Variants in DOCK4 observed in about 807,000 individuals in gnomAD.
DOCK4 encodes dedicator of cytokinesis protein 4.
In DOCK4, 97 loss-of-function variants were observed where a neutral mutation model predicts 268.1. That is an observed-to-expected ratio of 0.36 (90% CI 0.31 to 0.43). DOCK4 has a LOEUF of 0.43. Among genes scored for constraint, DOCK4 ranks in the 20% least tolerant of loss-of-function variants. DOCK4 has a pLI of 1.00. For missense variants in DOCK4, 2,145 were observed against 2,455.7 expected, an observed-to-expected ratio of 0.87 and a Z score of 2.67; for synonymous variants, 954 against 887.2, an observed-to-expected ratio of 1.08 and a Z score of -1.34.
chr7:112,130,743 T>G (rs117917820), intron 1 of DOCK4, among the ~76,000 whole-genome samples: 1 of 152,158 alleles, frequency 6.6e-6, no homozygotes, highest in Non-Finnish European at 1.5e-5. Flanking sequence ...AAAAATAAAA[T>G]GTACAGAGGC....
chr7:112,049,756 A>T (rs1805179970), intron 1 of DOCK4, among the ~76,000 whole-genome samples: 1 of 152,218 alleles, frequency 6.6e-6, no homozygotes, highest in African/African-American at 2.4e-5. Flanking sequence ...AGATAGTAGC[A>T]CAAAGATTAT....
chr7:112,094,775 G>C (rs1405924473), intron 1 of DOCK4, among the ~76,000 whole-genome samples: 1 of 152,110 alleles, frequency 6.6e-6, no homozygotes, highest in African/African-American at 2.4e-5. Context: ...ATGGGTCATG[G>C]GGATGGATCC....
intron 1 of DOCK4, among the ~76,000 whole-genome samples, chr7:112,135,023 CA>C (rs991760203): frequency 1.9e-4 from 28 of 150,506 alleles, no homozygotes; most frequent in Non-Finnish European, 2.7e-4. Context: ...ATGTATACAC[CA>C]AAAAAAACCC....
chr7:111,778,189 C>A, intron 36 of DOCK4, 87 bp downstream of exon 36: 2 of 881,904 alleles, frequency 2.3e-6, no homozygotes, highest in Non-Finnish European at 3.6e-6. Context: ...ATGCTTGAGT[C>A]TTTCCACTCT....
At chr7:112,118,377 T>C (rs900844779) in intron 1 of DOCK4, among the ~76,000 whole-genome samples, 1 of 152,124 alleles carries the variant, frequency 6.6e-6, no homozygotes, top group African/African-American at 2.4e-5. Flanking sequence ...TGAAAATCAT[T>C]CAAAAGAGAC....
intron 1 of DOCK4, among the ~76,000 whole-genome samples, chr7:112,032,936 A>T (rs1029341697): frequency 2.0e-5 from 3 of 152,218 alleles, no homozygotes; most frequent in Non-Finnish European, 4.4e-5. Context: ...TAAAGGGGAA[A>T]AGAGGCATTA....
Position 112,039,102 on chromosome 7 carries a change from A to G in DOCK4, c.38-34971T>C, listed in dbSNP as rs1439853362. The stretch of plus-strand genomic sequence containing the variant: ...CCAAGAGTGTTAACATTCTCTTACC[A>G]TGATATATTATATTGTTTCCGGCTC... On this transcript the variant is annotated intron_variant, in intron 1 of 52. Transcript: ENST00000428084. Among the ~76,000 whole-genome samples the G allele has an allele frequency of 2.6e-5, 4 of 152,172 alleles. 1 individual carries two copies. The highest frequency in any genetic ancestry group is 4.1e-4 in the South Asian group (2 of 4,830).
chr7:112,019,506 G>T (rs1802134974), intron 1 of DOCK4, among the ~76,000 whole-genome samples: 1 of 151,974 alleles, frequency 6.6e-6, no homozygotes, highest in Admixed American at 6.6e-5. Flanking sequence ...ATGAATTCTG[G>T]AAGTTAAAAA....
intron 1 of DOCK4, among the ~76,000 whole-genome samples, chr7:112,024,792 A>T (rs1251753662): frequency 6.6e-6 from 1 of 152,214 alleles, no homozygotes; most frequent in Non-Finnish European, 1.5e-5. Context: ...ATACTGACAG[A>T]CATTCGTTAT....
intron 23 of DOCK4, among the ~76,000 whole-genome samples, chr7:111,850,622 T>C (rs1199430280): frequency 6.6e-6 from 1 of 152,140 alleles, no homozygotes; most frequent in Non-Finnish European, 1.5e-5. Flanking sequence ...CTGATGACAT[T>C]CCACCACTGT....
At chr7:111,730,635 T>TAAA (rs113207446) in intron 52 of DOCK4, among the ~76,000 whole-genome samples, 5 of 147,464 alleles carry the variant, frequency 3.4e-5, no homozygotes, top group African/African-American at 7.4e-5. Flanking sequence ...CTGGCTGGGG[T>TAAA]AAAAAAAAAA....
intron 30 of DOCK4, among the ~76,000 whole-genome samples, chr7:111,793,423 G>A (rs1205178209): frequency 6.6e-6 from 1 of 152,188 alleles, no homozygotes; most frequent in Non-Finnish European, 1.5e-5. Flanking sequence ...CACAAAGAGA[G>A]ACAAAGCAGT....
chr7:112,170,210 G>A (rs1024825088), intron 1 of DOCK4, among the ~76,000 whole-genome samples: 47 of 152,062 alleles, frequency 3.1e-4, no homozygotes, highest in African/African-American at 1.1e-3. Context: ...CAGCGCTTTG[G>A]GAGGCTAAGA....
intron 32 of DOCK4, among the ~76,000 whole-genome samples, chr7:111,785,260 C>T (rs1427094717): frequency 6.6e-6 from 1 of 152,132 alleles, no homozygotes; most frequent in Non-Finnish European, 1.5e-5. Context: ...AATGTGTTTT[C>T]TTTTAAAAAC....
chr7:112,131,109 G>A lies in DOCK4; in HGVS notation c.37+74993C>T, dbSNP rs561112824. ...AATATGTCTTAAAACTAACAAATGT[G>A]ATCCTGCTTCTTGTAGTTTTTGAGG... On this transcript the variant is annotated intron_variant, in intron 1 of 52. Coordinates refer to ENST00000428084, the MANE Select transcript of DOCK4 (RefSeq NM_001363540.2). Among the ~76,000 whole-genome samples the A allele has an allele frequency of 2.6e-5, 4 of 152,268 alleles. No homozygotes were observed. In the South Asian group the frequency reaches 8.3e-4, roughly 32 times the overall value.
At chr7:111,923,396 A>T (rs1434442983) in intron 12 of DOCK4, among the ~76,000 whole-genome samples, 1 of 152,170 alleles carries the variant, frequency 6.6e-6, no homozygotes, top group East Asian at 1.9e-4. Flanking sequence ...ATTATTCCAT[A>T]ATATTCTGAC....
chr7:112,026,059 A>G (rs1313880836), intron 1 of DOCK4, among the ~76,000 whole-genome samples: 1 of 152,208 alleles, frequency 6.6e-6, no homozygotes, highest in African/African-American at 2.4e-5. Flanking sequence ...AACTCTTAAC[A>G]CTAGTATATT....
intron 9 of DOCK4, 76 bp downstream of exon 9, chr7:111,945,641 A>T: frequency 8.1e-7 from 1 of 1,239,212 alleles, no homozygotes; most frequent in Non-Finnish European, 1.1e-6. Flanking sequence ...GTTCTCTCAC[A>T]GTAATTTATT....
intron 1 of DOCK4, among the ~76,000 whole-genome samples, chr7:112,123,956 T>C (rs1812982993): frequency 6.6e-6 from 1 of 152,328 alleles, no homozygotes; most frequent in Admixed American, 6.5e-5. Context: ...TGGCACGAGC[T>C]ATTAATCAGA....
Sources: allele counts gnomAD v4.1 joint callset (sites outside exome capture counted in the v4.1 genomes callset), GRCh38; gene constraint gnomAD v4.1.1; transcripts MANE v1.5; gene names NCBI Gene and HGNC (gene_info 2026-07-23, HGNC 2026-07-21).